The following PRKAG2 variants were observed in gnomAD, a reference collection of about 807,000 sequenced individuals.
The protein encoded by PRKAG2 is 5'-AMP-activated protein kinase subunit gamma-2.
PRKAG2 carries 26 observed loss-of-function variants against 69.6 expected under a neutral mutation model. That is an observed-to-expected ratio of 0.37 (90% CI 0.27 to 0.52). The LOEUF (loss-of-function observed/expected upper bound fraction) is 0.52, where lower values mean the gene tolerates loss of function less well. PRKAG2 is among the 20% of genes least tolerant of loss of function. The pLI, the probability that PRKAG2 is intolerant of heterozygous loss-of-function variation, is 0.90. For missense variants in PRKAG2, 557 were observed against 740.0 expected (o/e 0.75, Z 2.87); for synonymous variants, 293 against 285.0 (o/e 1.03, Z -0.28).
chr7:151,612,606 A>G (rs895370179), intron 5 of PRKAG2, among the ~76,000 whole-genome samples: 1 of 152,118 alleles, frequency 6.6e-6, no homozygotes, highest in African/African-American at 2.4e-5. Flanking sequence ...TCTGCCCCCC[A>G]TCACTCCAAC....
chr7:151,812,640 T>G (rs1478765752), intron 1 of PRKAG2, among the ~76,000 whole-genome samples: 1 of 152,174 alleles, frequency 6.6e-6, no homozygotes, highest in African/African-American at 2.4e-5. Context: ...GGACAGGACC[T>G]GAAGAGAAGC....
chr7:151,632,250 G>C lies in PRKAG2; in HGVS notation c.685-112C>G. On this transcript the variant is annotated intron_variant, in intron 4 of 15. Transcript: ENST00000287878. The surrounding 1 kb of genome is among the most constrained non-coding windows in gnomAD (Gnocchi z 4.2). Reference sequence around the variant, plus strand: ...CCTGGCTCTGCCGCGCCGCCGGGAGGAGGGGCCTGGCAGGGGACGCGGGCA... The same window carrying C: ...CCTGGCTCTGCCGCGCCGCCGGGAGCAGGGGCCTGGCAGGGGACGCGGGCA... The C allele has an allele frequency of 4.7e-6, 5 of 1,065,922 alleles. No homozygotes were observed. The highest frequency in any genetic ancestry group is 5.7e-6 in the Non-Finnish European group (5 of 882,372). 66.0% of individuals were successfully genotyped at this position (1,065,922 alleles called of 1,614,324 possible). A position where few individuals can be genotyped will look rare whatever the true frequency, so the allele number is the denominator to read the frequency against.
intron 1 of PRKAG2, among the ~76,000 whole-genome samples, chr7:151,796,210 C>T (rs2077527438): frequency 6.6e-6 from 1 of 152,000 alleles, no homozygotes; most frequent in Admixed American, 6.6e-5. Flanking sequence ...AGCTCTCAGC[C>T]TTCGCTGCAT....
At chr7:151,695,407 G>T (rs1253589254) in intron 3 of PRKAG2, among the ~76,000 whole-genome samples, 6 of 152,144 alleles carry the variant, frequency 3.9e-5, no homozygotes, top group Non-Finnish European at 8.8e-5. Flanking sequence ...GCATTCTTTT[G>T]AGAGAGTCCA....
intron 15 of PRKAG2, 128 bp downstream of exon 15, chr7:151,560,396 C>G: frequency 6.3e-7 from 1 of 1,590,042 alleles, no homozygotes; most frequent in Non-Finnish European, 8.6e-7. Context: ...AAAATGGTTT[C>G]AAAGTAATAT....
At chr7:151,748,996 G>T (rs1029236402) in intron 3 of PRKAG2, among the ~76,000 whole-genome samples, 1 of 152,192 alleles carries the variant, frequency 6.6e-6, no homozygotes, top group African/African-American at 2.4e-5. Flanking sequence ...GGCTGGCCTG[G>T]GTGTTTTGGA....
chr7:151,662,008 C>T (rs1830391892), intron 4 of PRKAG2, among the ~76,000 whole-genome samples: 1 of 152,166 alleles, frequency 6.6e-6, no homozygotes, highest in Non-Finnish European at 1.5e-5. Context: ...GTCTAGGATG[C>T]ATAAATAGGT....
intron 4 of PRKAG2, among the ~76,000 whole-genome samples, chr7:151,636,908 T>G (rs58079278): frequency 0.15 from 22,403 of 152,156 alleles, 1,975 homozygotes; most frequent in African/African-American, 0.23. Context: ...TTTCACCATG[T>G]TGGCCAGGTT....
chr7:151,832,223 GGAGGGAAGGAGAGGAGGAGGGAAGGAA>G (rs2079042771), intron 1 of PRKAG2, among the ~76,000 whole-genome samples: 1 of 121,750 alleles, frequency 8.2e-6, no homozygotes, highest in Non-Finnish European at 1.9e-5. Context: ...GAGGAGGGGA[GGAGGGAAGGAGAGGAGGAGGGAAGGAA>G]GGGAGGAGGG....
chr7:151,604,339 A>C (rs1816958717), intron 5 of PRKAG2, among the ~76,000 whole-genome samples: 1 of 152,204 alleles, frequency 6.6e-6, no homozygotes, highest in Non-Finnish European at 1.5e-5. Flanking sequence ...GCAGCCAAGA[A>C]AATCATAATG....
intron 3 of PRKAG2, among the ~76,000 whole-genome samples, chr7:151,736,779 G>C (rs969807448): frequency 3.9e-5 from 6 of 152,166 alleles, no homozygotes; most frequent in Admixed American, 6.5e-5. Context: ...GAAGGTCTTC[G>C]GCAAATGCGT....
rs559695986 is a variant in PRKAG2, at chr7:151,671,457, A to T, written c.684+3963T>A. Among the ~76,000 whole-genome samples the T allele has an allele frequency of 2.2e-3, 335 of 152,366 alleles. 2 individuals are homozygous for T. Among genetic ancestry groups the T allele is most frequent in the African/African-American group, 7.7e-3 (321 of 41,588 alleles). On this transcript the variant is annotated intron_variant, in intron 4 of 15. Coordinates refer to ENST00000287878, the MANE Select transcript of PRKAG2 (RefSeq NM_016203.4). ...GCCAAGCACATAAGGAACTTAGCAC[A>T]TAAAGATACTCAATAAAATCCAATT...
intron 15 of PRKAG2, chr7:151,559,707 C>G: frequency 1.0e-6 from 1 of 985,368 alleles, no homozygotes; most frequent in Non-Finnish European, 1.2e-6. Flanking sequence ...GAAATCAATA[C>G]TGTAGCACAC....
intron 1 of PRKAG2, among the ~76,000 whole-genome samples, chr7:151,832,010 C>G (rs1388946374): frequency 1.3e-5 from 2 of 152,136 alleles, no homozygotes; most frequent in Admixed American, 1.3e-4. Flanking sequence ...ATCTCAAACT[C>G]AGGCCTGGCT....
intron 7 of PRKAG2, 60 bp downstream of exon 7, chr7:151,576,310 CT>C: frequency 7.2e-7 from 1 of 1,394,136 alleles, no homozygotes; most frequent in Non-Finnish European, 1.0e-6. Flanking sequence ...TATTAAAATA[CT>C]TTAGGCTTTC....
intron 5 of PRKAG2, among the ~76,000 whole-genome samples, chr7:151,626,535 A>C (rs1321883404): frequency 2.0e-5 from 3 of 152,238 alleles, no homozygotes; most frequent in African/African-American, 7.2e-5. Context: ...GCAGATAATC[A>C]CCCGAGCCTT....
intron 1 of PRKAG2, among the ~76,000 whole-genome samples, chr7:151,856,533 C>T (rs1036710559): frequency 1.6e-4 from 25 of 152,328 alleles, no homozygotes; most frequent in African/African-American, 4.8e-4. Flanking sequence ...TTGGCCTCGC[C>T]GTGGCCCTTA....
In PRKAG2 at chr7:151,700,482, T is replaced by C. The variant is rs572185844; in HGVS notation, c.467-24845A>G. Among the ~76,000 whole-genome samples, 11 of 152,268 alleles carry C rather than the reference T, an allele frequency of 7.2e-5. No individual in the cohort carries two copies. In the South Asian group the frequency reaches 2.3e-3, roughly 32 times the overall value. On this transcript the variant is annotated intron_variant, in intron 3 of 15. Coordinates refer to ENST00000287878, the MANE Select transcript of PRKAG2 (RefSeq NM_016203.4). ...GGCTGTAGGCCAGGGGTTCCGAATT[T>C]TGGCAAGAATCAGGACCCCCTTTTT...
chr7:151,599,383 C>T (rs1275045205), intron 5 of PRKAG2, among the ~76,000 whole-genome samples: 2 of 152,080 alleles, frequency 1.3e-5, no homozygotes, highest in African/African-American at 4.8e-5. Flanking sequence ...TCCTAACTTC[C>T]TCACCAATCC....
Sources: gnomAD v4.1 joint callset for allele counts (sites outside exome capture counted in the v4.1 genomes callset) on GRCh38, gnomAD v4.1.1 for gene constraint, Gnocchi (gnomAD v3.1) non-coding constraint, MANE v1.5 for transcripts, NCBI Gene and HGNC (gene_info 2026-07-23, HGNC 2026-07-21) for gene names.